MYLK: variants seen among roughly 807,000 people sequenced by gnomAD.
The protein encoded by MYLK is myosin light chain kinase, smooth muscle.
Under a neutral mutation model 203.4 loss-of-function variants are expected in MYLK, and 106 were observed. The ratio of observed to expected loss-of-function variants is 0.52; its 90% CI spans 0.45 to 0.61. MYLK has a LOEUF of 0.61. Among genes scored for constraint, MYLK ranks in the 20% least tolerant of loss-of-function variants. MYLK has a pLI of 0.00. For synonymous variants in MYLK, 867 were observed against 959.5 expected, an observed-to-expected ratio of 0.90 and a Z score of 1.78; for missense variants, 2,072 against 2,442.3, an observed-to-expected ratio of 0.85 and a Z score of 3.20.
chr3:123,666,750 A>G (rs1270400059), intron 21 of MYLK, among the ~76,000 whole-genome samples: 2 of 152,230 alleles, frequency 1.3e-5, no homozygotes, highest in African/African-American at 4.8e-5. Flanking sequence ...AAAACAGACA[A>G]GGGTTCCATA....
chr3:123,839,134 AG>A (rs1365740324), intron 2 of MYLK, among the ~76,000 whole-genome samples: 1 of 152,050 alleles, frequency 6.6e-6, no homozygotes, highest in Non-Finnish European at 1.5e-5. Context: ...ATAAATACAA[AG>A]GCAAGCAGAA....
rs947470085 is a variant in MYLK at position 123,733,768 on chromosome 3, C to G, written c.1228G>C (p.Asp410His). 6.2e-7 allele frequency: 1 copy of G among 1,614,224 alleles called. No individual in the cohort carries two copies. Among genetic ancestry groups the G allele is most frequent in the Non-Finnish European group, 8.5e-7 (1 of 1,180,032 alleles). The stretch of plus-strand genomic sequence containing the variant: ...CTCTCAAATTTGGGGAATGCTGAAT[C>G]CCTCTGGCCCTCCATGGGGATTCTC... ...NRRIPMEGQRDSAFPKFESKP... is the reference protein window; with the variant it reads ...NRRIPMEGQRHSAFPKFESKP... The change falls in exon 10 of 34, where the codon GAT becomes CAT. Residue 410 changes from aspartate to histidine, a missense_variant. Asp to His is a moderately conservative substitution (Grantham distance 81). Coordinates refer to ENST00000360304, the MANE Select transcript of MYLK (RefSeq NM_053025.4).
At chr3:123,723,223 A>G (rs943958026) in intron 12 of MYLK, among the ~76,000 whole-genome samples, 1 of 152,206 alleles carries the variant, frequency 6.6e-6, no homozygotes, top group African/African-American at 2.4e-5. Flanking sequence ...GAAGGGAGAC[A>G]GTACAGAAAG....
chr3:123,737,241 C>T, intron 8 of MYLK, 137 bp downstream of exon 8: 1 of 972,458 alleles, frequency 1.0e-6, no homozygotes, highest in Non-Finnish European at 1.6e-6. Context: ...AAAAAAAGAC[C>T]TGCCCCTGGG....
At chr3:123,881,503 G>C (rs2033535553) in intron 1 of MYLK, among the ~76,000 whole-genome samples, 1 of 152,184 alleles carries the variant, frequency 6.6e-6, no homozygotes, top group Non-Finnish European at 1.5e-5. Flanking sequence ...GGTTTGAGCT[G>C]TGAGAGGTGC....
intron 31 of MYLK, 84 bp downstream of exon 31, chr3:123,626,734 G>C: frequency 6.3e-7 from 1 of 1,598,254 alleles, no homozygotes; most frequent in Non-Finnish European, 8.6e-7. Flanking sequence ...TTGGTGTGAG[G>C]CCAGGGCAAG....
At chr3:123,710,242 C>T (rs968466638) in intron 13 of MYLK, among the ~76,000 whole-genome samples, 1 of 151,928 alleles carries the variant, frequency 6.6e-6, no homozygotes, top group Non-Finnish European at 1.5e-5. Flanking sequence ...TCCCTCCCAC[C>T]CCATCCCCCA....
chr3:123,790,130 GT>G (rs2064717488), intron 4 of MYLK, among the ~76,000 whole-genome samples: 1 of 152,142 alleles, frequency 6.6e-6, no homozygotes, highest in East Asian at 1.9e-4. Context: ...AATCCTTAGC[GT>G]GCAGGCTTGT....
At chr3:123,703,515 G>A (rs367687499) in intron 16 of MYLK, among the ~76,000 whole-genome samples, 11 of 152,290 alleles carry the variant, frequency 7.2e-5, no homozygotes, top group Admixed American at 3.9e-4. Context: ...AAGGTGCAGG[G>A]AGTCTCAAGT....
rs2108757405 is a variant in MYLK, at chr3:123,726,047, G to A, written c.1548C>T (p.Phe516=). The change falls in exon 12 of 34, where the codon TTC becomes TTT. Residue 516 remains phenylalanine (F), a synonymous_variant. Transcript: ENST00000360304. Reference sequence around the variant, plus strand: ...CAGCGCAGTCCTTCAGGACACTGGAGAAGGAGGGGGCCACCTCCATCACGG... The same window carrying A: ...CAGCGCAGTCCTTCAGGACACTGGAAAAGGAGGGGGCCACCTCCATCACGG... ...RLAVMEVAPS[F]SSVLKDCAVI... is the part of the protein sequence containing the mutation. The A allele has an allele frequency of 6.2e-7, 1 of 1,614,204 alleles. No individual in the cohort carries two copies.
At chr3:123,680,722 T>C (rs1013860177) in intron 20 of MYLK, among the ~76,000 whole-genome samples, 1 of 152,184 alleles carries the variant, frequency 6.6e-6, no homozygotes, top group Admixed American at 6.6e-5. Context: ...AAGAATAAAA[T>C]AAAGTCACAA....
chr3:123,837,474 C>T (rs1046882759), intron 2 of MYLK, among the ~76,000 whole-genome samples: 1 of 146,960 alleles, frequency 6.8e-6, no homozygotes, highest in Non-Finnish European at 1.5e-5. Flanking sequence ...ATTATATATA[C>T]ATATTATATA....
At chr3:123,720,816 T>C (rs2062060916) in intron 13 of MYLK, among the ~76,000 whole-genome samples, 1 of 152,112 alleles carries the variant, frequency 6.6e-6, no homozygotes, top group African/African-American at 2.4e-5. Flanking sequence ...AGTCACATTC[T>C]CCATCAGTGC....
At chr3:123,839,274 T>G (rs1439017083) in intron 2 of MYLK, among the ~76,000 whole-genome samples, 1 of 152,014 alleles carries the variant, frequency 6.6e-6, no homozygotes, top group East Asian at 1.9e-4. Context: ...TTAGACTGTA[T>G]AAAAAAGTAA....
At position 123,820,716 on chromosome 3, in the gene MYLK, T is replaced by C. The variant is rs116005210; in HGVS notation, c.-4+10832A>G. ...CTTCCTTCCTTCCTTCCTTCTTTCCTCTCTCTCTCTTTTATTCTTTTCTTT... is the reference window on the plus strand; with the variant it reads ...CTTCCTTCCTTCCTTCCTTCTTTCCCCTCTCTCTCTTTTATTCTTTTCTTT... On this transcript the variant is annotated intron_variant, in intron 3 of 33. Transcript: ENST00000360304. 3.2e-3 allele frequency among the ~76,000 whole-genome samples: 480 copies of C among 150,776 alleles called. 2 individuals are homozygous for C. The highest frequency in any genetic ancestry group is 0.011 in the African/African-American group (437 of 40,990).
chr3:123,807,022 A>G (rs2065392753), intron 3 of MYLK, among the ~76,000 whole-genome samples: 2 of 152,154 alleles, frequency 1.3e-5, no homozygotes, highest in South Asian at 2.1e-4. Context: ...AAGCTCAAAG[A>G]CCAGGTGAGT....
intron 4 of MYLK, among the ~76,000 whole-genome samples, chr3:123,782,909 T>C (rs2064355960): frequency 6.6e-6 from 1 of 152,210 alleles, no homozygotes; most frequent in Non-Finnish European, 1.5e-5. Context: ...TCTTCTAATT[T>C]TAGGTAGTGA....
chr3:123,876,073 C>G (rs980807069), intron 2 of MYLK, among the ~76,000 whole-genome samples: 1 of 151,932 alleles, frequency 6.6e-6, no homozygotes, highest in Non-Finnish European at 1.5e-5. Flanking sequence ...AAATTGTGGG[C>G]ACATACAAAA....
chr3:123,648,042 C>T lies in MYLK; in HGVS notation c.4416-615G>A, dbSNP rs543900217. 6.6e-5 allele frequency among the ~76,000 whole-genome samples: 10 copies of T among 152,340 alleles called. No individual in the cohort carries two copies. The South Asian group carries it at 2.1e-3, about 32-fold the overall frequency. On this transcript the variant is annotated intron_variant, in intron 26 of 33. Coordinates refer to ENST00000360304, the MANE Select transcript of MYLK (RefSeq NM_053025.4). This position sits in a 1 kb window ranked among gnomAD's most constrained non-coding sequence, Gnocchi z 4.5. ...CCCCTGGTGATGGCCCAGGCAGGGT[C>T]CTGCTTCCTACTGCTGAGAGAGGGG...
Sources: allele counts gnomAD v4.1 joint callset (sites outside exome capture counted in the v4.1 genomes callset), GRCh38; gene constraint gnomAD v4.1.1; non-coding constraint Gnocchi (gnomAD v3.1); transcripts MANE v1.5; gene names NCBI Gene and HGNC (gene_info 2026-07-23, HGNC 2026-07-21).